TRERF1: variants seen among roughly 807,000 people sequenced by gnomAD.
The protein encoded by TRERF1 is transcriptional-regulating factor 1.
A neutral mutation model predicts 122.9 loss-of-function variants in TRERF1; 27 were observed. That is an observed-to-expected ratio of 0.22 (90% CI 0.16 to 0.30). TRERF1 has a LOEUF of 0.30. TRERF1 is among the 10% of genes least tolerant of loss of function. TRERF1 has a pLI of 1.00. For missense variants in TRERF1, 1,248 were observed against 1,560.3 expected (o/e 0.80, Z 3.37); for synonymous variants, 636 against 641.7 (o/e 0.99, Z 0.13).
intron 2 of TRERF1, among the ~76,000 whole-genome samples, chr6:42,377,201 C>A (rs1002120277): frequency 2.0e-5 from 3 of 152,234 alleles, no homozygotes; most frequent in African/African-American, 7.2e-5. Flanking sequence ...CCAAAAACTT[C>A]ACTCTTTTTT....
At chr6:42,258,189 C>T in exon 10 of TRERF1, 1 of 1,614,194 alleles carries the variant, frequency 6.2e-7, no homozygotes, top group Non-Finnish European at 8.5e-7. Flanking sequence ...CACGTTGCTG[C>T]CATCGATGCT....
chr6:42,319,866 A>G (rs764818551), intron 3 of TRERF1, among the ~76,000 whole-genome samples: 4 of 150,018 alleles, frequency 2.7e-5, no homozygotes, highest in Non-Finnish European at 5.9e-5. Flanking sequence ...ATATAATGCT[A>G]TATATTATAT....
intron 4 of TRERF1, among the ~76,000 whole-genome samples, chr6:42,285,593 C>T (rs1410616048): frequency 1.3e-5 from 2 of 150,486 alleles, no homozygotes; most frequent in Admixed American, 6.6e-5. Flanking sequence ...AGTTTTTGCC[C>T]ATTCAGTATG....
chr6:42,312,177 A>G (rs560423501), intron 3 of TRERF1, among the ~76,000 whole-genome samples: 7 of 152,136 alleles, frequency 4.6e-5, no homozygotes, highest in Non-Finnish European at 7.4e-5. Context: ...ACAGGAGGAA[A>G]AAAGGGCATC....
intron 3 of TRERF1, among the ~76,000 whole-genome samples, chr6:42,331,899 A>G (rs1765309759): frequency 6.6e-6 from 1 of 152,196 alleles, no homozygotes; most frequent in South Asian, 2.1e-4. Context: ...AGGAGTTTGT[A>G]AAATATGTGT....
chr6:42,236,785 C>T (rs949022130), intron 15 of TRERF1, among the ~76,000 whole-genome samples: 2 of 152,212 alleles, frequency 1.3e-5, no homozygotes, highest in African/African-American at 4.8e-5. Flanking sequence ...AGCTCTGTCT[C>T]CTCACAGAGG....
chr6:42,399,203 AT>A (rs973119826), intron 2 of TRERF1, among the ~76,000 whole-genome samples: 3 of 152,144 alleles, frequency 2.0e-5, no homozygotes, highest in Non-Finnish European at 2.9e-5. Flanking sequence ...AATGTACAGA[AT>A]TTTTTTTAAA....
intron 3 of TRERF1, among the ~76,000 whole-genome samples, chr6:42,361,752 C>G (rs543796855): frequency 2.0e-5 from 3 of 152,214 alleles, no homozygotes; most frequent in Non-Finnish European, 4.4e-5. Context: ...TGTTCCCATT[C>G]GCTCCGCAGA....
intron 2 of TRERF1, among the ~76,000 whole-genome samples, chr6:42,441,450 C>G (rs1786505016): frequency 6.6e-6 from 1 of 152,110 alleles, no homozygotes; most frequent in Non-Finnish European, 1.5e-5. Context: ...CAAAATGTCA[C>G]TTATTAAAAG....
At chr6:42,255,409 C>A (rs536558698) in intron 12 of TRERF1, among the ~76,000 whole-genome samples, 2 of 152,230 alleles carry the variant, frequency 1.3e-5, no homozygotes, top group Non-Finnish European at 2.9e-5. Context: ...AAATCAGCCT[C>A]GGTAGCTTTT....
rs916747907 is a variant in TRERF1, at chr6:42,372,496, T to G, written c.-453-9417A>C. Among the ~76,000 whole-genome samples the G allele has an allele frequency of 2.0e-5, 3 of 152,320 alleles. No homozygotes were observed. In the East Asian group the frequency reaches 5.8e-4, roughly 29 times the overall value. On this transcript the variant is annotated intron_variant, in intron 2 of 17. Transcript: ENST00000372922. ...CACTTAGAGTCCAGTCTCTGGGTGC[T>G]GTATCCTCCCAGTCAGTTCCCTTCC...
chr6:42,228,303 G>A lies in TRERF1; in HGVS notation c.*42C>T. On this transcript the variant is annotated 3_prime_UTR_variant, in exon 18 of 18. Coordinates refer to ENST00000372922, the Ensembl canonical transcript of TRERF1. This position sits in a 1 kb window ranked among gnomAD's most constrained non-coding sequence, Gnocchi z 4.2. ...CCAGGTTTCCTGATTAATGAAGATGGAGGCCGTGGGTTTTCACTGTCTCTA... is the reference window on the plus strand; with the variant it reads ...CCAGGTTTCCTGATTAATGAAGATGAAGGCCGTGGGTTTTCACTGTCTCTA... 6.6e-7 allele frequency: 1 copy of A among 1,517,998 alleles called. No homozygotes were observed. Among genetic ancestry groups the A allele is most frequent in the Non-Finnish European group, 8.9e-7 (1 of 1,128,474 alleles). 94.0% of individuals were successfully genotyped at this position (1,517,998 alleles called of 1,614,324 possible). A position where few individuals can be genotyped will look rare whatever the true frequency, so the allele number is the denominator to read the frequency against.
exon 18 of TRERF1, chr6:42,226,166 A>G (rs2149442017): frequency 6.6e-6 from 1 of 152,372 alleles, no homozygotes; most frequent in Admixed American, 6.5e-5. Context: ...CTTATGCTAT[A>G]CTGCATGGAA....
exon 12 of TRERF1, chr6:42,256,761 C>T: frequency 1.2e-6 from 2 of 1,614,194 alleles, no homozygotes; most frequent in Middle Eastern, 1.6e-4. Flanking sequence ...ACAGAGAGTG[C>T]AAAGCAAATT....
In TRERF1 at chr6:42,228,334, C is replaced by T; in HGVS notation, c.*11G>A. 2.5e-6 allele frequency: 4 copies of T among 1,594,576 alleles called. No individual in the cohort carries two copies. The highest frequency in any genetic ancestry group is 1.7e-5 in the Admixed American group (1 of 58,660). On this transcript the variant is annotated 3_prime_UTR_variant, in exon 18 of 18. Transcript: ENST00000372922. This position sits in a 1 kb window ranked among gnomAD's most constrained non-coding sequence, Gnocchi z 4.2. ...GTGGGTTTTCACTGTCTCTAAGTGA[C>T]ACACAGGGCTTTATAGTTCTGCGTC...
chr6:42,425,957 G>A (rs901985114), intron 2 of TRERF1, among the ~76,000 whole-genome samples: 4 of 152,064 alleles, frequency 2.6e-5, no homozygotes, highest in Non-Finnish European at 4.4e-5. Context: ...TTCCCTGCAC[G>A]TGGGGAGCAG....
intron 3 of TRERF1, among the ~76,000 whole-genome samples, chr6:42,320,499 T>A (rs1206282755): frequency 6.9e-6 from 1 of 144,986 alleles, no homozygotes; most frequent in Non-Finnish European, 1.5e-5. Flanking sequence ...AAAACAAAAG[T>A]GAAAGAATTT....
intron 4 of TRERF1, among the ~76,000 whole-genome samples, chr6:42,277,704 G>C (rs1561893538): frequency 6.6e-6 from 1 of 152,068 alleles, no homozygotes. Context: ...TTAGCTGGGT[G>C]TAGTGGCGTG....
At chr6:42,306,065 G>T (rs148420856) in intron 3 of TRERF1, among the ~76,000 whole-genome samples, 2,174 of 140,412 alleles carry the variant, frequency 0.015, 21 homozygotes, top group South Asian at 0.053. Context: ...GCAGTGGCGC[G>T]ATCTCGGCTC....
Sources: allele counts gnomAD v4.1 joint callset (sites outside exome capture counted in the v4.1 genomes callset), GRCh38; gene constraint gnomAD v4.1.1; non-coding constraint Gnocchi (gnomAD v3.1); transcripts MANE v1.5; gene names NCBI Gene and HGNC (gene_info 2026-07-23, HGNC 2026-07-21).